Variants in ARMH3 observed in about 807,000 individuals in gnomAD.
ARMH3 encodes the protein armadillo-like helical domain-containing protein 3.
In ARMH3, 60 loss-of-function variants were observed where a neutral mutation model predicts 99.1. That is an observed-to-expected ratio of 0.61 (90% confidence interval 0.49 to 0.75). The LOEUF is 0.75. Among genes scored for constraint, ARMH3 ranks in the 30% least tolerant of loss-of-function variants. The pLI, the probability that ARMH3 is intolerant of heterozygous loss-of-function variation, is 0.00. For synonymous variants in ARMH3, 285 were observed against 292.8 expected, an observed-to-expected ratio of 0.97 and a Z score of 0.27; for missense variants, 679 against 843.1, an observed-to-expected ratio of 0.81 and a Z score of 2.41.
intron 4 of ARMH3, among the ~76,000 whole-genome samples, chr10:102,030,891 T>C (rs2067115222): frequency 6.6e-6 from 1 of 152,050 alleles, no homozygotes. Flanking sequence ...GTTCAAGTGA[T>C]TCCCATGCTT....
intron 9 of ARMH3, 32 bp from the exon 10 acceptor site, chr10:102,012,908 A>C (rs560426290): frequency 1.9e-6 from 3 of 1,573,262 alleles, no homozygotes; most frequent in Non-Finnish European, 2.6e-6. Context: ...AGGTGAAATA[A>C]GACAGTAGCC....
At chr10:102,022,831 C>T (rs1397641305) in intron 8 of ARMH3, among the ~76,000 whole-genome samples, 6 of 151,072 alleles carry the variant, frequency 4.0e-5, no homozygotes, top group East Asian at 4.0e-4. Flanking sequence ...CCACCCACCT[C>T]GGCCTCCCAA....
At chr10:102,022,693 G>A (rs1403052321) in intron 8 of ARMH3, among the ~76,000 whole-genome samples, 1 of 147,316 alleles carries the variant, frequency 6.8e-6, no homozygotes, top group Non-Finnish European at 1.5e-5. Flanking sequence ...CCATTCTCCT[G>A]CCTCAGCCTC....
At chr10:101,912,529 AT>A (rs1842911494) in intron 23 of ARMH3, among the ~76,000 whole-genome samples, 1 of 152,182 alleles carries the variant, frequency 6.6e-6, no homozygotes, top group Admixed American at 6.5e-5. Context: ...TCAAACTTGT[AT>A]CCTACAACTC....
intron 19 of ARMH3, among the ~76,000 whole-genome samples, chr10:101,981,834 C>A (rs1306539050): frequency 6.6e-6 from 1 of 151,218 alleles, no homozygotes; most frequent in Non-Finnish European, 1.5e-5. Context: ...TTGGCTAGCA[C>A]GGTGAAACCC....
intron 12 of ARMH3, 24 bp from the exon 13 acceptor site, chr10:102,009,473 G>A (rs370940070): frequency 1.9e-6 from 3 of 1,598,560 alleles, no homozygotes; most frequent in Non-Finnish European, 2.6e-6. Context: ...GAACAAATTG[G>A]AGCAGTTTTT....
chr10:101,887,733 G>T (rs1200481526), intron 24 of ARMH3, among the ~76,000 whole-genome samples: 1 of 151,274 alleles, frequency 6.6e-6, no homozygotes, highest in African/African-American at 2.4e-5. Flanking sequence ...GCACCCAGCA[G>T]GTATACAATT....
At chr10:102,041,083 T>G (rs912134349) in intron 1 of ARMH3, among the ~76,000 whole-genome samples, 1 of 133,546 alleles carries the variant, frequency 7.5e-6, no homozygotes, top group African/African-American at 2.7e-5. Flanking sequence ...TACATATATA[T>G]ATATATAATA....
Position 101,991,999 on chromosome 10 carries a change from G to C in ARMH3, c.1315C>G (p.Pro439Ala), listed in dbSNP as rs1409096324. 1 of 1,614,130 alleles carries C rather than the reference G, an allele frequency of 6.2e-7. No individual in the cohort carries two copies. The highest frequency in any genetic ancestry group is 1.1e-5 in the South Asian group (1 of 91,082). Residue 439 changes from proline to alanine, a missense_variant, in exon 18 of 26, where the codon CCC becomes GCC. By Grantham distance (27) the Pro-to-Ala change is conservative (BLOSUM62 -1). Transcript: ENST00000370033. ...ACTGCACATACTAAAGGACGGCAGGGAAGATTCTTGTCTGCTGCCTTCTTC... is the reference window on the plus strand; with the variant it reads ...ACTGCACATACTAAAGGACGGCAGGCAAGATTCTTGTCTGCTGCCTTCTTC... The part of the protein sequence containing the change: ...HRKKAADKNL[P>A]CRPLVCAVLD...
At chr10:102,008,223 A>G (rs2066548370) in intron 13 of ARMH3, among the ~76,000 whole-genome samples, 1 of 152,242 alleles carries the variant, frequency 6.6e-6, no homozygotes, top group Non-Finnish European at 1.5e-5. Context: ...ATCTCAAACC[A>G]GCATGATGCT....
intron 24 of ARMH3, among the ~76,000 whole-genome samples, chr10:101,873,176 G>T (rs2067173573): frequency 6.6e-6 from 1 of 150,808 alleles, no homozygotes; most frequent in South Asian, 2.1e-4. Context: ...GGCCGAGGTG[G>T]GCGGATCATG....
chr10:101,946,666 G>A (rs541854564), intron 22 of ARMH3, among the ~76,000 whole-genome samples: 87 of 152,106 alleles, frequency 5.7e-4, no homozygotes, highest in African/African-American at 2.0e-3. Context: ...GAAACATATG[G>A]GACAATATGG....
At chr10:101,992,379 T>C (rs894746967) in intron 17 of ARMH3, among the ~76,000 whole-genome samples, 1 of 152,160 alleles carries the variant, frequency 6.6e-6, no homozygotes, top group Non-Finnish European at 1.5e-5. Context: ...CTGGTGTTTT[T>C]CTTTGACGAT....
rs189864575 is a variant in ARMH3, at chr10:101,881,422, T to G, written c.1860+7990A>C. On this transcript the variant is annotated intron_variant, in intron 24 of 25. Coordinates refer to ENST00000370033, the MANE Select transcript of ARMH3 (RefSeq NM_024541.3). ...GGTGGTTACCAGGGCAGCTGAGGGT[T>G]GGGGGGAAGTTGTTCAATTCTGCAA... is the stretch of plus-strand genomic sequence containing the variant. 6.0e-3 allele frequency among the ~76,000 whole-genome samples: 910 copies of G among 152,118 alleles called. 10 individuals are homozygous for G. The highest frequency in any genetic ancestry group is 0.013 in the South Asian group (65 of 4,820).
chr10:101,971,577 A>G (rs1051646538), intron 20 of ARMH3, among the ~76,000 whole-genome samples: 1 of 152,154 alleles, frequency 6.6e-6, no homozygotes, highest in Admixed American at 6.5e-5. Context: ...ATAAAATAAA[A>G]TAATTTACCT....
At chr10:102,039,546 G>C (rs1483759774) in intron 2 of ARMH3, among the ~76,000 whole-genome samples, 1 of 152,178 alleles carries the variant, frequency 6.6e-6, no homozygotes, top group East Asian at 1.9e-4. Flanking sequence ...ATCCCCTATA[G>C]TTGGAGAATG....
intron 22 of ARMH3, among the ~76,000 whole-genome samples, chr10:101,950,999 G>A (rs924083523): frequency 2.6e-5 from 4 of 152,056 alleles, no homozygotes; most frequent in Non-Finnish European, 5.9e-5. Flanking sequence ...TTAAAAAGTA[G>A]TGTTTCTGCA....
chr10:102,025,624 G>A (rs1055897373), intron 5 of ARMH3, among the ~76,000 whole-genome samples: 2 of 151,970 alleles, frequency 1.3e-5, no homozygotes, highest in African/African-American at 4.8e-5. Context: ...TTAAATAATT[G>A]TATATGTTTC....
chr10:101,984,757 C>T (rs1398913226), intron 19 of ARMH3, among the ~76,000 whole-genome samples: 1 of 151,960 alleles, frequency 6.6e-6, no homozygotes, highest in Non-Finnish European at 1.5e-5. Context: ...TTAACCACTG[C>T]TATGGCCTTA....
Sources: gnomAD v4.1 joint callset for allele counts (sites outside exome capture counted in the v4.1 genomes callset) on GRCh38, gnomAD v4.1.1 for gene constraint, MANE v1.5 for transcripts, NCBI Gene and HGNC (gene_info 2026-07-23, HGNC 2026-07-21) for gene names.